MTUS2: variants seen among roughly 807,000 people sequenced by gnomAD.
MTUS2 encodes microtubule-associated tumor suppressor candidate 2.
MTUS2 carries 40 observed loss-of-function variants against 114.1 expected under a neutral mutation model. That is an observed-to-expected ratio of 0.35 (90% CI 0.27 to 0.46). The LOEUF is 0.46. Ranked by LOEUF, MTUS2 falls within the 20% of genes least tolerant of loss-of-function variation. The pLI is 1.00. For missense variants in MTUS2, 1,679 were observed against 1,705.4 expected, an observed-to-expected ratio of 0.98 and a Z score of 0.27; for synonymous variants, 688 against 672.0, an observed-to-expected ratio of 1.02 and a Z score of -0.37.
At chr13:29,016,710 CT>C (rs1234539492) in intron 2 of MTUS2, among the ~76,000 whole-genome samples, 1 of 152,026 alleles carries the variant, frequency 6.6e-6, no homozygotes, top group African/African-American at 2.4e-5. Flanking sequence ...AAAAGATATT[CT>C]GAACACAGTC....
intron 5 of MTUS2, among the ~76,000 whole-genome samples, chr13:29,239,153 A>G (rs1275922865): frequency 6.6e-6 from 1 of 152,208 alleles, no homozygotes; most frequent in Non-Finnish European, 1.5e-5. Context: ...TGGTGAATGT[A>G]TTAATTAGCT....
At chr13:28,981,898 G>A (rs921281618) in intron 2 of MTUS2, among the ~76,000 whole-genome samples, 3 of 152,208 alleles carry the variant, frequency 2.0e-5, no homozygotes, top group East Asian at 1.9e-4. Flanking sequence ...GGGTATGAGC[G>A]TATCTGGTTC....
intron 9 of MTUS2, among the ~76,000 whole-genome samples, chr13:29,449,305 T>C (rs1313211922): frequency 6.6e-6 from 1 of 152,190 alleles, no homozygotes; most frequent in East Asian, 1.9e-4. Flanking sequence ...GCATGCATTT[T>C]TCAGTATGCT....
chr13:28,834,870 A>C (rs1274363138), intron 1 of MTUS2, among the ~76,000 whole-genome samples: 1 of 152,198 alleles, frequency 6.6e-6, no homozygotes, highest in African/African-American at 2.4e-5. Flanking sequence ...AAAATTCAAC[A>C]AAGGATTTGA....
At chr13:28,919,514 T>C (rs2138046560) in intron 2 of MTUS2, among the ~76,000 whole-genome samples, 1 of 152,272 alleles carries the variant, frequency 6.6e-6, no homozygotes, top group South Asian at 2.1e-4. Flanking sequence ...ATTTTTTACC[T>C]TTGGGAATTT....
intron 9 of MTUS2, among the ~76,000 whole-genome samples, chr13:29,467,487 G>A (rs1879970212): frequency 6.6e-6 from 1 of 152,108 alleles, no homozygotes; most frequent in Admixed American, 6.6e-5. Flanking sequence ...TATATGAACC[G>A]GTGCCGTGGA....
chr13:29,296,482 A>G (rs757431775), intron 6 of MTUS2, among the ~76,000 whole-genome samples: 16 of 152,116 alleles, frequency 1.1e-4, no homozygotes, highest in Non-Finnish European at 1.9e-4. Context: ...AAGTGGCATT[A>G]GCCACAACCC....
intron 2 of MTUS2, among the ~76,000 whole-genome samples, chr13:29,002,275 C>T (rs1165545815): frequency 6.6e-6 from 1 of 152,150 alleles, no homozygotes; most frequent in Non-Finnish European, 1.5e-5. Context: ...CTTTTGGCAG[C>T]CTCAGCTGTC....
At chr13:29,433,143 C>G (rs1333425305) in intron 8 of MTUS2, among the ~76,000 whole-genome samples, 1 of 152,172 alleles carries the variant, frequency 6.6e-6, no homozygotes, top group African/African-American at 2.4e-5. Flanking sequence ...TGCCATTGTT[C>G]ATTAGTAATC....
intron 4 of MTUS2, among the ~76,000 whole-genome samples, chr13:29,093,739 CTTATT>C (rs1459116581): frequency 6.6e-6 from 1 of 152,044 alleles, no homozygotes; most frequent in Non-Finnish European, 1.5e-5. Flanking sequence ...CTGTACATTT[CTTATT>C]TTATTTTCTT....
chr13:29,416,567 C>T (rs1875685033), intron 8 of MTUS2, among the ~76,000 whole-genome samples: 2 of 151,908 alleles, frequency 1.3e-5, no homozygotes, highest in Non-Finnish European at 2.9e-5. Context: ...AGTCACCTAT[C>T]AGGTGAATAA....
intron 4 of MTUS2, among the ~76,000 whole-genome samples, chr13:29,046,777 G>A (rs773665008): frequency 4.6e-5 from 7 of 151,624 alleles, no homozygotes; most frequent in African/African-American, 9.7e-5. Flanking sequence ...GCCTAGGCAC[G>A]CCGCAGTACC....
intron 5 of MTUS2, among the ~76,000 whole-genome samples, chr13:29,171,436 C>T (rs770506024): frequency 9.2e-5 from 14 of 152,128 alleles, no homozygotes; most frequent in Non-Finnish European, 1.8e-4. Context: ...ACTTACTTTC[C>T]TGAGTCAGCA....
At chr13:29,144,867 G>A (rs1029697603) in intron 5 of MTUS2, among the ~76,000 whole-genome samples, 1 of 152,172 alleles carries the variant, frequency 6.6e-6, no homozygotes, top group African/African-American at 2.4e-5. Context: ...TAAACAATAA[G>A]AGTTAGGTAA....
intron 5 of MTUS2, among the ~76,000 whole-genome samples, chr13:29,174,719 T>C (rs990177659): frequency 6.6e-6 from 1 of 152,184 alleles, no homozygotes; most frequent in Non-Finnish European, 1.5e-5. Flanking sequence ...TGGACAAGAA[T>C]TTCCCCTCTG....
At chr13:28,996,146 T>C (rs1236706388) in intron 2 of MTUS2, among the ~76,000 whole-genome samples, 4 of 152,208 alleles carry the variant, frequency 2.6e-5, no homozygotes, top group Non-Finnish European at 4.4e-5. Context: ...TCTGCATCTA[T>C]TGAGATAATC....
chr13:28,851,848 T>TGTAGCTCCAGTGA (rs1876296514), intron 2 of MTUS2, among the ~76,000 whole-genome samples: 1 of 152,160 alleles, frequency 6.6e-6, no homozygotes, highest in Admixed American at 6.5e-5. Context: ...GGGCACCGCT[T>TGTAGCTCCAGTGA]CCTGGAGCGG....
intron 6 of MTUS2, among the ~76,000 whole-genome samples, chr13:29,318,177 T>G (rs761732190): frequency 3.3e-5 from 5 of 152,166 alleles, no homozygotes; most frequent in Admixed American, 6.5e-5. Flanking sequence ...TTCTTATCTT[T>G]TCTTACTTAT....
At chr13:29,418,599 A>G (rs1409763759) in intron 8 of MTUS2, among the ~76,000 whole-genome samples, 2 of 152,202 alleles carry the variant, frequency 1.3e-5, no homozygotes, top group African/African-American at 4.8e-5. Context: ...CAGTAACCAT[A>G]CATATCTTGC....
Sources: gnomAD v4.1 joint callset for allele counts (sites outside exome capture counted in the v4.1 genomes callset) on GRCh38, gnomAD v4.1.1 for gene constraint, MANE v1.5 for transcripts, NCBI Gene and HGNC (gene_info 2026-07-23, HGNC 2026-07-21) for gene names.